Variants in CCDC62 observed in about 807,000 individuals in gnomAD.
CCDC62 encodes the protein coiled-coil domain-containing protein 62.
CCDC62 carries 72 observed loss-of-function variants against 80.8 expected under a neutral mutation model. The ratio of observed to expected loss-of-function variants is 0.89; its 90% CI spans 0.74 to 1.08. The LOEUF is 1.08. CCDC62 is among the 50% of genes least tolerant of loss of function. The probability of loss-of-function intolerance (pLI) is 0.00; values close to 1 mark genes in which losing one functional copy is unlikely to be tolerated. For missense variants in CCDC62, 704 were observed against 809.4 expected, an observed-to-expected ratio of 0.87 and a Z score of 1.58; for synonymous variants, 286 against 296.5, an observed-to-expected ratio of 0.96 and a Z score of 0.36.
chr12:122,798,052 C>T (rs960692775), intron 7 of CCDC62, 33 bp from the exon 8 acceptor site: 7 of 1,076,338 alleles, frequency 6.5e-6, no homozygotes, highest in Non-Finnish European at 9.9e-6. Flanking sequence ...TTTGTTATTA[C>T]ATTTCATGTT....
chr12:122,792,670 T>C (rs113956084), intron 6 of CCDC62, among the ~76,000 whole-genome samples: 8,474 of 150,764 alleles, frequency 0.056, 413 homozygotes, highest in East Asian at 0.28. Flanking sequence ...AGGCGCATGC[T>C]ACCATGCCCG....
At chr12:122,808,833 T>C (rs1245167902) in intron 10 of CCDC62, among the ~76,000 whole-genome samples, 1 of 152,208 alleles carries the variant, frequency 6.6e-6, no homozygotes, top group Non-Finnish European at 1.5e-5. Context: ...CAAGATGTTT[T>C]CCAAAGTGGT....
At position 122,778,210 on chromosome 12, in the gene CCDC62, T is replaced by C. The variant is rs142918938; in HGVS notation, c.229+527T>C. Among the ~76,000 whole-genome samples, 361 of 151,932 alleles carry C rather than the reference T, an allele frequency of 2.4e-3. 1 individual carries two copies. The highest frequency in any genetic ancestry group is 8.3e-3 in the African/African-American group (344 of 41,454). ...TCTACTAAAAATACAAAAAGTTAAC[T>C]GGGCATGGTGATGCACACCTGTAAT... is the stretch of plus-strand genomic sequence containing the variant. On this transcript the variant is annotated intron_variant, in intron 2 of 12. Transcript: ENST00000253079.
At chr12:122,798,595 C>T (rs925582126) in intron 8 of CCDC62, among the ~76,000 whole-genome samples, 7 of 151,576 alleles carry the variant, frequency 4.6e-5, no homozygotes, top group African/African-American at 1.7e-4. Flanking sequence ...GAGCAAGATT[C>T]TGTTTCAAAA....
At chr12:122,792,800 G>A (rs113861936) in intron 6 of CCDC62, among the ~76,000 whole-genome samples, 9,644 of 152,280 alleles carry the variant, frequency 0.063, 1,052 homozygotes, top group African/African-American at 0.22. Context: ...TTACAGGCAT[G>A]AGCCATCACG....
At chr12:122,801,028 T>C (rs2031269678) in intron 8 of CCDC62, 96 bp from the exon 9 acceptor site, 3 of 1,311,350 alleles carry the variant, frequency 2.3e-6, no homozygotes, top group South Asian at 1.5e-5. Context: ...ACGAGTCTCA[T>C]TGGGATTTAG....
At chr12:122,818,418 A>C (rs1216166240) in intron 11 of CCDC62, among the ~76,000 whole-genome samples, 2 of 147,820 alleles carry the variant, frequency 1.4e-5, no homozygotes, top group Non-Finnish European at 3.0e-5. Flanking sequence ...GTGCCACTGC[A>C]CTCCAGCCTG....
intron 11 of CCDC62, among the ~76,000 whole-genome samples, chr12:122,820,989 C>T (rs1315031658): frequency 6.6e-6 from 1 of 152,118 alleles, no homozygotes; most frequent in Non-Finnish European, 1.5e-5. Context: ...GAATGCAGGC[C>T]ACACAGGCAG....
chr12:122,803,146 G>A, intron 9 of CCDC62, among the ~76,000 whole-genome samples: 1 of 152,170 alleles, frequency 6.6e-6, no homozygotes, highest in Non-Finnish European at 1.5e-5. Context: ...GATTACAGGT[G>A]TGAGCCACCG....
chr12:122,823,532 G>A (rs1035144891), intron 12 of CCDC62, 73 bp downstream of exon 12: 6 of 774,590 alleles, frequency 7.7e-6, no homozygotes, highest in South Asian at 3.2e-5. Flanking sequence ...CATCGATAAC[G>A]TTGAGTCAAG....
In CCDC62 at chr12:122,823,729, G is replaced by A. The variant is rs1044066978; in HGVS notation, c.*40+270G>A. 1.1e-3 allele frequency among the ~76,000 whole-genome samples: 172 copies of A among 151,368 alleles called. 1 individual carries two copies. The highest frequency in any genetic ancestry group is 3.8e-3 in the African/African-American group (155 of 41,224). The stretch of plus-strand genomic sequence containing the variant: ...AAAAAAAAAAAAAAAAAGGCCGGGC[G>A]TGGTGGCTCACACGTGTAATCCCAT... On this transcript the variant is annotated intron_variant, in intron 12 of 12. Transcript: ENST00000253079.
At chr12:122,800,972 TTC>T (rs1005223432) in intron 8 of CCDC62, 150 bp from the exon 9 acceptor site, 2 of 705,786 alleles carry the variant, frequency 2.8e-6, no homozygotes, top group African/African-American at 3.6e-5. Flanking sequence ...TCAGAAAGGA[TTC>T]CTGGAGAAGG....
rs34565858 is a variant in CCDC62, at chr12:122,776,806, G to GTT, written c.37-678_37-677dup. The GTT allele has an allele frequency of 6.6e-4, 100 of 151,844 alleles. 2 individuals are homozygous for GTT. Among genetic ancestry groups the GTT allele is most frequent in the Admixed American group, 5.5e-3 (84 of 15,242 alleles). The allele number at this position is 151,844 out of a possible 1,614,324, so 9.4% of individuals were successfully genotyped here. ...AGTAACTATTTCGTGATTTTGTTTG[G>GTT]TTTTTTTTGATAGAGTTTTGCTCTT... On this transcript the variant is annotated intron_variant, in intron 1 of 12. Coordinates refer to ENST00000253079, the MANE Select transcript of CCDC62 (RefSeq NM_201435.5).
At chr12:122,817,218 AT>A (rs71085859) in intron 11 of CCDC62, among the ~76,000 whole-genome samples, 26 of 134,240 alleles carry the variant, frequency 1.9e-4, no homozygotes, top group South Asian at 4.7e-4. Context: ...CGCCTAGCTA[AT>A]TTTTTTTTTT....
At chr12:122,795,017 G>A (rs75481785) in intron 6 of CCDC62, among the ~76,000 whole-genome samples, 8,554 of 152,048 alleles carry the variant, frequency 0.056, 417 homozygotes, top group East Asian at 0.27. Flanking sequence ...ATAATATGCC[G>A]TCAAGTGCTA....
chr12:122,799,081 AAAAT>A (rs1480311948), intron 8 of CCDC62, among the ~76,000 whole-genome samples: 1 of 152,130 alleles, frequency 6.6e-6, no homozygotes, highest in Non-Finnish European at 1.5e-5. Context: ...CTCCGTATGA[AAAAT>A]AAATAAATAA....
intron 9 of CCDC62, among the ~76,000 whole-genome samples, chr12:122,805,397 G>A (rs1228173265): frequency 7.5e-6 from 1 of 132,514 alleles, no homozygotes; most frequent in Non-Finnish European, 1.6e-5. Flanking sequence ...AGGCTGGAAT[G>A]CAGTGGTGCG....
chr12:122,803,777 A>G (rs1282635721), intron 9 of CCDC62, among the ~76,000 whole-genome samples: 2 of 152,202 alleles, frequency 1.3e-5, no homozygotes, highest in Non-Finnish European at 2.9e-5. Flanking sequence ...GGATAATTGC[A>G]AGTATCAGGG....
At position 122,800,958 on chromosome 12, in the gene CCDC62, G is replaced by C. The variant is rs999072737; in HGVS notation, c.978-166G>C. Among the ~76,000 whole-genome samples the C allele has an allele frequency of 2.0e-5, 3 of 152,174 alleles. No individual in the cohort carries two copies. The East Asian group carries it at 5.8e-4, about 29-fold the overall frequency. ...GGATGGAAAAGGGAATGTGGGCTTT[G>C]TGGTCAGAAAGGATTCCTGGAGAAG... On this transcript the variant is annotated intron_variant, in intron 8 of 12. Coordinates refer to ENST00000253079, the MANE Select transcript of CCDC62 (RefSeq NM_201435.5).
Sources: gnomAD v4.1 joint callset for allele counts (sites outside exome capture counted in the v4.1 genomes callset) on GRCh38, gnomAD v4.1.1 for gene constraint, MANE v1.5 for transcripts, NCBI Gene and HGNC (gene_info 2026-07-23, HGNC 2026-07-21) for gene names.